ROBO2: variants seen among roughly 807,000 people sequenced by gnomAD.
The protein encoded by ROBO2 is roundabout guidance receptor 2.
ROBO2 carries 53 observed loss-of-function variants against 160.8 expected under a neutral mutation model. That is an observed-to-expected ratio of 0.33 (90% CI 0.26 to 0.41). The LOEUF is 0.41. Ranked by LOEUF, ROBO2 falls within the 10% of genes least tolerant of loss-of-function variation. The pLI, the probability that ROBO2 is intolerant of heterozygous loss-of-function variation, is 1.00. For missense variants in ROBO2, 1,577 were observed against 1,722.4 expected (o/e 0.92, Z 1.49); for synonymous variants, 664 against 611.7 (o/e 1.09, Z -1.26).
chr3:76,100,388 T>TTGTCTGCTCTC (rs2069637164), intron 2 of ROBO2, among the ~76,000 whole-genome samples: 1 of 152,230 alleles, frequency 6.6e-6, no homozygotes, highest in Admixed American at 6.5e-5. Context: ...AAACTGCTCT[T>TTGTCTGCTCTC]TGTCTGCTCT....
intron 2 of ROBO2, among the ~76,000 whole-genome samples, chr3:76,214,135 G>A (rs530760945): frequency 3.3e-5 from 5 of 152,174 alleles, no homozygotes; most frequent in Admixed American, 6.5e-5. Context: ...GCACCCATAC[G>A]CATCTCCTTA....
chr3:77,526,383 A>G (rs9859187), intron 6 of ROBO2, among the ~76,000 whole-genome samples: 5,885 of 151,598 alleles, frequency 0.039, 161 homozygotes, highest in African/African-American at 0.081. Context: ...GTCACATTAC[A>G]TATGCACTAG....
chr3:77,053,755 A>T (rs774661183), intron 1 of ROBO2, among the ~76,000 whole-genome samples: 6 of 152,200 alleles, frequency 3.9e-5, no homozygotes, highest in Non-Finnish European at 8.8e-5. Context: ...CTAATGCTTT[A>T]TTTGGTATAT....
intron 1 of ROBO2, among the ~76,000 whole-genome samples, chr3:75,917,060 G>A (rs1198074925): frequency 1.3e-5 from 2 of 152,010 alleles, no homozygotes; most frequent in South Asian, 2.1e-4. Flanking sequence ...TGGGATACAT[G>A]TGCTGAACAT....
At chr3:76,692,873 C>T (rs1374722718) in intron 2 of ROBO2, among the ~76,000 whole-genome samples, 1 of 151,754 alleles carries the variant, frequency 6.6e-6, no homozygotes, top group Non-Finnish European at 1.5e-5. Flanking sequence ...CTCACAAACA[C>T]ACTATATAAC....
At chr3:77,559,034 G>T (rs190400225) in intron 9 of ROBO2, among the ~76,000 whole-genome samples, 1 of 151,992 alleles carries the variant, frequency 6.6e-6, no homozygotes. Flanking sequence ...GTTCCTTGTG[G>T]CTACTGGACT....
chr3:76,397,347 G>T (rs552460094), intron 2 of ROBO2, among the ~76,000 whole-genome samples: 1 of 152,032 alleles, frequency 6.6e-6, no homozygotes, highest in Non-Finnish European at 1.5e-5. Context: ...AGACTTAAAC[G>T]TTACACCTAA....
At chr3:76,802,821 T>C (rs1221076970) in intron 2 of ROBO2, among the ~76,000 whole-genome samples, 1 of 152,042 alleles carries the variant, frequency 6.6e-6, no homozygotes, top group Non-Finnish European at 1.5e-5. Flanking sequence ...GTAGTAATAA[T>C]GCAGACACTG....
At chr3:76,366,838 G>A (rs553939403) in intron 2 of ROBO2, among the ~76,000 whole-genome samples, 1 of 151,700 alleles carries the variant, frequency 6.6e-6, no homozygotes, top group South Asian at 2.1e-4. Context: ...TAATAAAAGG[G>A]CAATTCAGCC....
intron 2 of ROBO2, among the ~76,000 whole-genome samples, chr3:76,660,570 A>T (rs182978543): frequency 6.6e-6 from 1 of 152,276 alleles, no homozygotes; most frequent in Non-Finnish European, 1.5e-5. Flanking sequence ...AAAAACATTA[A>T]TTGGATGATT....
intron 2 of ROBO2, among the ~76,000 whole-genome samples, chr3:76,023,664 A>G (rs1446677597): frequency 1.3e-5 from 2 of 151,654 alleles, no homozygotes; most frequent in South Asian, 2.1e-4. Flanking sequence ...AACTATATAT[A>G]TAACCATAAC....
rs535607828 is a variant in ROBO2, at chr3:76,964,519, G to T, written c.110-133495G>T. On this transcript the variant is annotated intron_variant, in intron 2 of 26. Transcript: ENST00000487694. The stretch of plus-strand genomic sequence containing the variant: ...CACCATGCCCGGCTAATTTTTTGTA[G>T]TTTTTAGTAGAGACAGGGTTTTACC... Among the ~76,000 whole-genome samples the T allele has an allele frequency of 1.1e-4, 16 of 151,858 alleles. No homozygotes were observed. The South Asian group carries it at 3.3e-3, about 32-fold the overall frequency.
chr3:77,158,385 G>A (rs1560128883), intron 2 of ROBO2, among the ~76,000 whole-genome samples: 1 of 152,098 alleles, frequency 6.6e-6, no homozygotes, highest in African/African-American at 2.4e-5. Context: ...AGTCACTGAT[G>A]TAGTTCAGTG....
chr3:76,776,099 T>C (rs1287067325), intron 2 of ROBO2, among the ~76,000 whole-genome samples: 1 of 150,892 alleles, frequency 6.6e-6, no homozygotes, highest in Non-Finnish European at 1.5e-5. Context: ...AAAAATATTA[T>C]TATGCCTTGA....
intron 2 of ROBO2, among the ~76,000 whole-genome samples, chr3:76,139,614 T>G (rs528253629): frequency 6.6e-6 from 1 of 152,068 alleles, no homozygotes; most frequent in Non-Finnish European, 1.5e-5. Context: ...ACACTCTGCC[T>G]TAAGGCAGGG....
At chr3:77,037,050 A>G (rs1227117719), upstream of ROBO2, among the ~76,000 whole-genome samples, 1 of 151,978 alleles carries the variant, frequency 6.6e-6, no homozygotes, top group East Asian at 1.9e-4. Flanking sequence ...TATAGATCTT[A>G]TCATATATCT....
At chr3:77,396,028 A>G (rs559341927) in intron 2 of ROBO2, among the ~76,000 whole-genome samples, 21 of 151,930 alleles carry the variant, frequency 1.4e-4, no homozygotes, top group Non-Finnish European at 2.4e-4. Flanking sequence ...ATAAAATTAT[A>G]TATTTTCAAA....
Position 75,964,146 on chromosome 3 carries a change from G to A in ROBO2, c.109+26544G>A, listed in dbSNP as rs73841059. ...CAATTTTTTTCCTCAGTAGGTGTAA[G>A]AGTGTGTGTCAAACAGAAGTAACAT... On this transcript the variant is annotated intron_variant, in intron 2 of 26. Coordinates refer to the ROBO2 transcript ENST00000487694. Among the ~76,000 whole-genome samples the A allele has an allele frequency of 1.2e-3, 176 of 151,804 alleles. 1 individual carries two copies. Among genetic ancestry groups the A allele is most frequent in the African/African-American group, 4.1e-3 (172 of 41,480 alleles).
chr3:76,669,355 T>G (rs2110151709), intron 2 of ROBO2, among the ~76,000 whole-genome samples: 1 of 152,288 alleles, frequency 6.6e-6, no homozygotes, highest in East Asian at 1.9e-4. Context: ...AAACTTAACA[T>G]ATTTCTTTCT....
Sources: gnomAD v4.1 joint callset for allele counts (sites outside exome capture counted in the v4.1 genomes callset) on GRCh38, gnomAD v4.1.1 for gene constraint, MANE v1.5 for transcripts, NCBI Gene and HGNC (gene_info 2026-07-23, HGNC 2026-07-21) for gene names.